Variants in DYM observed in about 807,000 individuals in gnomAD.
DYM encodes the protein dymeclin, also known as dyggve-Melchior-Clausen syndrome protein.
Under a neutral mutation model 93.1 loss-of-function variants are expected in DYM, and 78 were observed. That is an observed-to-expected ratio of 0.84 (90% CI 0.70 to 1.01). The LOEUF is 1.01. DYM is among the 50% of genes least tolerant of loss of function. The probability of loss-of-function intolerance (pLI) is 0.00; values close to 1 mark genes in which losing one functional copy is unlikely to be tolerated. For missense variants in DYM, 789 were observed against 845.0 expected (o/e 0.93, Z 0.82); for synonymous variants, 321 against 319.7 (o/e 1.00, Z -0.04).
chr18:49,091,130 C>T (rs544868068), intron 17 of DYM, among the ~76,000 whole-genome samples: 8 of 152,250 alleles, frequency 5.3e-5, no homozygotes, highest in South Asian at 2.1e-4. Flanking sequence ...GCCCATTGTT[C>T]GTTGGTATCC....
intron 17 of DYM, among the ~76,000 whole-genome samples, chr18:49,050,388 G>T (rs2072264529): frequency 1.3e-5 from 2 of 152,108 alleles, no homozygotes; most frequent in Non-Finnish European, 2.9e-5. Context: ...ACCGCACCCA[G>T]TCCAGAGGGG....
At position 49,391,796 on chromosome 18, in the gene DYM, G is replaced by A. The variant is rs1162948182; in HGVS notation, c.141-151C>T. On this transcript the variant is annotated intron_variant, in intron 2 of 17. Transcript: ENST00000675505. ...AACAATAAGATCAGCAAAAAAAAAA[G>A]TTAGGCTTCAATTTTCAATATAATT... The A allele has an allele frequency of 4.6e-4, 214 of 467,562 alleles. No homozygotes were observed. In the East Asian group the frequency reaches 6.0e-3, roughly 13 times the overall value. 29.0% of individuals were successfully genotyped at this position (467,562 alleles called of 1,614,324 possible).
intron 13 of DYM, among the ~76,000 whole-genome samples, chr18:49,236,599 A>C (rs2093874034): frequency 1.3e-5 from 2 of 152,248 alleles, no homozygotes; most frequent in Admixed American, 1.3e-4. Flanking sequence ...TGGAAAGAAG[A>C]AATTGCTTTA....
chr18:49,289,774 C>CGTATATATATATAT (rs1366266348), intron 8 of DYM, among the ~76,000 whole-genome samples: 4 of 37,102 alleles, frequency 1.1e-4, no homozygotes, highest in South Asian at 1.0e-3. Flanking sequence ...TATATATATA[C>CGTATATATATATAT]ACATATATAT....
intron 8 of DYM, among the ~76,000 whole-genome samples, chr18:49,313,187 C>T (rs375484497): frequency 2.0e-5 from 3 of 151,930 alleles, no homozygotes; most frequent in South Asian, 2.1e-4. Flanking sequence ...TGCAGTAGGC[C>T]GGGCATGGTG....
At chr18:49,444,669 A>T (rs2148645300) in intron 1 of DYM, among the ~76,000 whole-genome samples, 1 of 152,300 alleles carries the variant, frequency 6.6e-6, no homozygotes, top group South Asian at 2.1e-4. Context: ...AACATTCCAC[A>T]TTTCAAAAAT....
intron 13 of DYM, among the ~76,000 whole-genome samples, chr18:49,254,305 T>C (rs199607150): frequency 1.7e-5 from 1 of 59,478 alleles, no homozygotes; most frequent in Non-Finnish European, 5.4e-5. Flanking sequence ...TATATATATA[T>C]ATATATATAT....
intron 15 of DYM, among the ~76,000 whole-genome samples, chr18:49,149,307 T>C (rs1253935648): frequency 6.6e-6 from 1 of 152,018 alleles, no homozygotes; most frequent in African/African-American, 2.4e-5. Context: ...CCATGGACCA[T>C]ACTGGTCCAT....
chr18:49,258,611 C>T, intron 11 of DYM, 118 bp from the exon 12 acceptor site: 1 of 709,120 alleles, frequency 1.4e-6, no homozygotes, highest in Non-Finnish European at 2.5e-6. Flanking sequence ...TTAAGCAGCA[C>T]AGACAGAGGC....
At position 49,460,638 on chromosome 18, in the gene DYM, G is replaced by C. The variant is rs369624199; in HGVS notation, c.-294C>G. 1 of 152,312 alleles carries C rather than the reference G, an allele frequency of 6.6e-6. No homozygotes were observed. Among genetic ancestry groups the C allele is most frequent in the Admixed American group, 6.5e-5 (1 of 15,304 alleles). The allele number at this position is 152,312 out of a possible 1,614,324, so 9.4% of individuals were successfully genotyped here. On this transcript the variant is annotated 5_prime_UTR_variant, in exon 1 of 18. Coordinates refer to ENST00000675505, the MANE Select transcript of DYM (RefSeq NM_001353214.3). Reference sequence around the variant, plus strand: ...GTGCGGAGGCCAGGAGGCGGCGAGAGAAGAGGGAAGCGACCGAGAACGCGG... The same window carrying C: ...GTGCGGAGGCCAGGAGGCGGCGAGACAAGAGGGAAGCGACCGAGAACGCGG...
intron 17 of DYM, among the ~76,000 whole-genome samples, chr18:49,071,146 G>T (rs1461881537): frequency 1.3e-5 from 2 of 152,196 alleles, no homozygotes; most frequent in Non-Finnish European, 2.9e-5. Context: ...TTTCATGCCT[G>T]TATCAACAGG....
At chr18:49,358,321 T>C (rs1485012439) in intron 6 of DYM, among the ~76,000 whole-genome samples, 1 of 152,028 alleles carries the variant, frequency 6.6e-6, no homozygotes, top group Non-Finnish European at 1.5e-5. Flanking sequence ...ACGTGAGCCA[T>C]GCAAATATCT....
intron 16 of DYM, among the ~76,000 whole-genome samples, chr18:49,099,370 C>T (rs2079894003): frequency 6.6e-6 from 1 of 152,072 alleles, no homozygotes; most frequent in Non-Finnish European, 1.5e-5. Flanking sequence ...TAGTCAGGGA[C>T]CTTCTATTAT....
chr18:49,365,818 A>AT (rs2066469563), intron 5 of DYM, among the ~76,000 whole-genome samples: 1 of 152,178 alleles, frequency 6.6e-6, no homozygotes, highest in Non-Finnish European at 1.5e-5. Flanking sequence ...TTCCAGGGGT[A>AT]TAAAAACACC....
chr18:49,340,338 T>TAA (rs766317615), intron 6 of DYM, among the ~76,000 whole-genome samples: 1 of 150,136 alleles, frequency 6.7e-6, no homozygotes, highest in African/African-American at 2.5e-5. Context: ...AGGAAAAAAG[T>TAA]AAAAAAAAAC....
chr18:49,382,209 G>T (rs975872167), intron 3 of DYM, among the ~76,000 whole-genome samples: 1 of 152,036 alleles, frequency 6.6e-6, no homozygotes, highest in Non-Finnish European at 1.5e-5. Flanking sequence ...TAATTAAAGC[G>T]CCGTGTACCT....
At chr18:49,289,744 T>C (rs537729740) in intron 8 of DYM, among the ~76,000 whole-genome samples, 10 of 34,286 alleles carry the variant, frequency 2.9e-4, no homozygotes, top group African/African-American at 5.3e-4. Context: ...TATATATATA[T>C]ATATATATAT....
intron 14 of DYM, among the ~76,000 whole-genome samples, chr18:49,188,699 G>T (rs1223819937): frequency 2.0e-5 from 3 of 152,152 alleles, no homozygotes; most frequent in African/African-American, 7.2e-5. Flanking sequence ...TGGCGTGGGG[G>T]GAAGGGGGAG....
intron 2 of DYM, among the ~76,000 whole-genome samples, chr18:49,423,655 C>T (rs181482673): frequency 2.0e-5 from 3 of 151,868 alleles, no homozygotes; most frequent in African/African-American, 7.2e-5. Context: ...ACTAGCAAGA[C>T]TAATAAAGAA....
Sources: gnomAD v4.1 joint callset for allele counts (sites outside exome capture counted in the v4.1 genomes callset) on GRCh38, gnomAD v4.1.1 for gene constraint, MANE v1.5 for transcripts, NCBI Gene and HGNC (gene_info 2026-07-23, HGNC 2026-07-21) for gene names.